The following PTPRM variants were observed in gnomAD, a reference collection of about 807,000 sequenced individuals.
PTPRM encodes receptor-type tyrosine-protein phosphatase mu.
A neutral mutation model predicts 186.7 loss-of-function variants in PTPRM; 47 were observed. The observed-to-expected ratio is 0.25, with a 90% CI of 0.20 to 0.32. The LOEUF is 0.32. Ranked by LOEUF, PTPRM falls within the 10% of genes least tolerant of loss-of-function variation. The pLI, the probability that PTPRM is intolerant of heterozygous loss-of-function variation, is 1.00. For missense variants in PTPRM, 1,494 were observed against 1,865.0 expected (o/e 0.80, Z 3.66); for synonymous variants, 668 against 674.9 (o/e 0.99, Z 0.16).
chr18:8,232,406 G>T (rs2094297585), intron 14 of PTPRM, among the ~76,000 whole-genome samples: 1 of 152,212 alleles, frequency 6.6e-6, no homozygotes, highest in Non-Finnish European at 1.5e-5. Flanking sequence ...AAAGCTATAT[G>T]AACATCTCTA....
chr18:8,016,209 A>G (rs1484075638), intron 7 of PTPRM, among the ~76,000 whole-genome samples: 1 of 152,162 alleles, frequency 6.6e-6, no homozygotes, highest in Admixed American at 6.5e-5. Flanking sequence ...TAAACATCAT[A>G]ATTAACCTCA....
chr18:8,124,717 T>G (rs2092283955), intron 13 of PTPRM, among the ~76,000 whole-genome samples: 1 of 152,160 alleles, frequency 6.6e-6, no homozygotes, highest in Non-Finnish European at 1.5e-5. Context: ...TAGGAAGTGG[T>G]CGGTGTGACA....
chr18:8,381,756 C>T (rs898479364), intron 29 of PTPRM, among the ~76,000 whole-genome samples: 1 of 152,206 alleles, frequency 6.6e-6, no homozygotes, highest in Admixed American at 6.5e-5. Flanking sequence ...TTCTCACTTA[C>T]AGTGGCACGG....
chr18:8,351,910 G>A (rs1372333323), intron 23 of PTPRM, among the ~76,000 whole-genome samples: 1 of 152,152 alleles, frequency 6.6e-6, no homozygotes, highest in Non-Finnish European at 1.5e-5. Context: ...TGGTTCCCTG[G>A]CTGCCCTGGT....
intron 19 of PTPRM, among the ~76,000 whole-genome samples, chr18:8,283,884 G>A (rs1217457965): frequency 2.0e-5 from 3 of 152,110 alleles, no homozygotes; most frequent in Non-Finnish European, 4.4e-5. Flanking sequence ...TCTTCCCAAA[G>A]TGCTGGGATT....
chr18:7,609,524 T>TA (rs1410670061), intron 1 of PTPRM, among the ~76,000 whole-genome samples: 1 of 151,560 alleles, frequency 6.6e-6, no homozygotes, highest in African/African-American at 2.4e-5. Context: ...TGTCTCCTTT[T>TA]TTTTTTTTTT....
chr18:7,630,987 A>T (rs905832877), intron 1 of PTPRM, among the ~76,000 whole-genome samples: 2 of 152,172 alleles, frequency 1.3e-5, no homozygotes, highest in Admixed American at 1.3e-4. Context: ...TGTGCCCAGG[A>T]TCTGATTTCC....
chr18:8,248,355 C>A (rs1386508424), intron 17 of PTPRM, 179 bp downstream of exon 17: 1 of 712,388 alleles, frequency 1.4e-6, no homozygotes, highest in Non-Finnish European at 2.6e-6. Context: ...TCTAAACAGT[C>A]GCCATTAATA....
chr18:8,346,419 G>A (rs752449318), intron 23 of PTPRM, among the ~76,000 whole-genome samples: 5 of 152,174 alleles, frequency 3.3e-5, no homozygotes, highest in Admixed American at 1.3e-4. Context: ...CAGAGAGAGC[G>A]CACGCTCTGT....
At chr18:7,735,173 T>TG in intron 1 of PTPRM, among the ~76,000 whole-genome samples, 1 of 152,262 alleles carries the variant, frequency 6.6e-6, no homozygotes, top group East Asian at 1.9e-4. Flanking sequence ...TCTCAACACT[T>TG]TGAGAGGCTG....
chr18:7,778,627 C>A (rs1009977980), intron 2 of PTPRM, among the ~76,000 whole-genome samples: 1 of 151,790 alleles, frequency 6.6e-6, no homozygotes, highest in Non-Finnish European at 1.5e-5. Flanking sequence ...CTACAGGCAC[C>A]CACCACCACA....
intron 1 of PTPRM, among the ~76,000 whole-genome samples, chr18:7,769,789 A>G (rs2042187686): frequency 6.6e-6 from 1 of 152,068 alleles, no homozygotes; most frequent in South Asian, 2.1e-4. Context: ...TTGCATAGTA[A>G]CTCATTCTTA....
At chr18:8,334,018 G>T (rs968217166) in intron 22 of PTPRM, among the ~76,000 whole-genome samples, 2 of 152,186 alleles carry the variant, frequency 1.3e-5, no homozygotes, top group African/African-American at 4.8e-5. Flanking sequence ...GCCACATACT[G>T]GCAGTGCTGC....
intron 19 of PTPRM, among the ~76,000 whole-genome samples, chr18:8,265,151 G>T (rs1006146609): frequency 2.6e-5 from 4 of 152,218 alleles, no homozygotes; most frequent in Admixed American, 2.6e-4. Context: ...CCAGCCTGGG[G>T]CCCCGTTGAC....
At position 7,853,695 on chromosome 18, in the gene PTPRM, G is replaced by A. The variant is rs1008087323; in HGVS notation, c.197-34411G>A. Among the ~76,000 whole-genome samples, 10 of 151,990 alleles carry A rather than the reference G, an allele frequency of 6.6e-5. No homozygotes were observed. The East Asian group carries it at 7.7e-4, about 12-fold the overall frequency. On this transcript the variant is annotated intron_variant, in intron 2 of 32. Coordinates refer to ENST00000580170, the MANE Select transcript of PTPRM (RefSeq NM_001105244.2). ...GTGGTAGAGACATACTTGTGCCTTT[G>A]GAAAGGGGGAATAGAATGTGAACAC...
intron 21 of PTPRM, among the ~76,000 whole-genome samples, chr18:8,317,326 A>T (rs898688796): frequency 6.6e-6 from 1 of 151,978 alleles, no homozygotes; most frequent in African/African-American, 2.4e-5. Flanking sequence ...TGAGGAGAAG[A>T]TGGTGTGTGG....
intron 1 of PTPRM, among the ~76,000 whole-genome samples, chr18:7,575,986 G>A (rs752359678): frequency 1.1e-4 from 16 of 152,250 alleles, no homozygotes; most frequent in South Asian, 8.3e-4. Flanking sequence ...GCTTCCTTTC[G>A]AAACTGGGGC....
At chr18:8,375,988 T>G in intron 24 of PTPRM, 58 bp from the exon 25 acceptor site, 10 of 1,520,764 alleles carry the variant, frequency 6.6e-6, no homozygotes, top group South Asian at 1.2e-5. Context: ...TATCCCTGCT[T>G]ATTTGTGGTT....
intron 7 of PTPRM, among the ~76,000 whole-genome samples, chr18:8,044,890 C>G (rs1043836033): frequency 6.6e-6 from 1 of 152,048 alleles, no homozygotes; most frequent in Non-Finnish European, 1.5e-5. Context: ...AATTGAATCC[C>G]TCGTATATTG....
Sources: gnomAD v4.1 joint callset for allele counts (sites outside exome capture counted in the v4.1 genomes callset) on GRCh38, gnomAD v4.1.1 for gene constraint, MANE v1.5 for transcripts, NCBI Gene and HGNC (gene_info 2026-07-23, HGNC 2026-07-21) for gene names.